Variants in RNF130 observed in about 807,000 individuals in gnomAD.
The protein encoded by RNF130 is E3 ubiquitin-protein ligase RNF130.
RNF130 carries 21 observed loss-of-function variants against 44.6 expected under a neutral mutation model. The observed-to-expected ratio is 0.47, with a 90% CI of 0.33 to 0.68. RNF130 has a LOEUF of 0.68. RNF130 is among the 30% of genes least tolerant of loss of function. RNF130 has a pLI of 0.02. For missense variants in RNF130, 479 were observed against 560.6 expected, an observed-to-expected ratio of 0.85 and a Z score of 1.47; for synonymous variants, 214 against 210.4, an observed-to-expected ratio of 1.02 and a Z score of -0.15.
rs1761847134 is a variant in RNF130 at position 179,933,820 on chromosome 5, C to T, written c.1151-13394G>A. On this transcript the variant is annotated intron_variant, in intron 7 of 7. Transcript: ENST00000522208. ...TATTACATCACTAGATAAAGAATCCCAGGATTTTCCCTCCTGTGTGTTTTT... is the reference window on the plus strand; with the variant it reads ...TATTACATCACTAGATAAAGAATCCTAGGATTTTCCCTCCTGTGTGTTTTT... 8.0e-6 allele frequency: 6 copies of T among 753,758 alleles called. No individual in the cohort carries two copies. The Middle Eastern group carries it at 1.7e-3, about 207-fold the overall frequency. The allele number at this position is 753,758 out of a possible 1,614,324, so 46.7% of individuals were successfully genotyped here.
intron 1 of RNF130, among the ~76,000 whole-genome samples, chr5:180,055,469 T>C (rs546124985): frequency 0.013 from 1,903 of 143,262 alleles, 36 homozygotes; most frequent in African/African-American, 0.046. Flanking sequence ...TGTGTGTGTG[T>C]GCGCGCGCGC....
At chr5:179,928,960 CTTAAT>C (rs908581139) in intron 7 of RNF130, among the ~76,000 whole-genome samples, 2 of 152,154 alleles carry the variant, frequency 1.3e-5, no homozygotes, top group African/African-American at 4.8e-5. Context: ...AGCAAAATTT[CTTAAT>C]TTTAGTGTGG....
At chr5:180,054,334 A>G (rs552404835) in intron 1 of RNF130, among the ~76,000 whole-genome samples, 1 of 152,318 alleles carries the variant, frequency 6.6e-6, no homozygotes, top group Non-Finnish European at 1.5e-5. Flanking sequence ...ACTTTGCATT[A>G]TATCACCAAA....
At position 179,938,940 on chromosome 5, in the gene RNF130, T is replaced by A. The variant is rs571487698; in HGVS notation, c.1151-18514A>T. On this transcript the variant is annotated intron_variant, in intron 7 of 7. Coordinates refer to the RNF130 transcript ENST00000522208. ...TAAAGAGTCAAGGATCAAAAGTGCA[T>A]ACACAGGCCGGGCACAGCAGCTCAC... Among the ~76,000 whole-genome samples the A allele has an allele frequency of 3.9e-5, 6 of 152,180 alleles. No individual in the cohort carries two copies. The South Asian group carries it at 1.2e-3, about 32-fold the overall frequency.
chr5:179,968,841 T>C (rs1225790942), intron 6 of RNF130, among the ~76,000 whole-genome samples: 1 of 152,166 alleles, frequency 6.6e-6, no homozygotes, highest in Non-Finnish European at 1.5e-5. Context: ...TACTAGCATT[T>C]AGATGCTGCT....
intron 1 of RNF130, among the ~76,000 whole-genome samples, chr5:180,055,248 C>CAAAAAAAAAAA (rs1205914690): frequency 1.3e-3 from 28 of 20,872 alleles, no homozygotes; most frequent in East Asian, 2.5e-3. Context: ...GGTTCTGTCT[C>CAAAAAAAAAAA]AAAAAAAAAA....
At chr5:179,979,369 G>A (rs897345537) in intron 4 of RNF130, among the ~76,000 whole-genome samples, 2 of 150,938 alleles carry the variant, frequency 1.3e-5, no homozygotes, top group African/African-American at 4.9e-5. Context: ...GGAATAAAAT[G>A]GGTAAAGTCC....
At chr5:180,051,623 T>C (rs1764690126) in intron 1 of RNF130, among the ~76,000 whole-genome samples, 1 of 152,174 alleles carries the variant, frequency 6.6e-6, no homozygotes, top group Non-Finnish European at 1.5e-5. Context: ...GGCAGGAATG[T>C]CCTAACAGTG....
chr5:179,946,350 C>T (rs1762036689), intron 7 of RNF130, among the ~76,000 whole-genome samples: 1 of 152,226 alleles, frequency 6.6e-6, no homozygotes, highest in Non-Finnish European at 1.5e-5. Flanking sequence ...CGTCAGGCCC[C>T]CCTCCTGACC....
At chr5:179,932,386 T>C (rs912015154) in intron 7 of RNF130, among the ~76,000 whole-genome samples, 1 of 151,888 alleles carries the variant, frequency 6.6e-6, no homozygotes, top group Admixed American at 6.6e-5. Context: ...GCCTCCTGAG[T>C]AGCTGGGACT....
At chr5:180,023,986 T>G (rs977986167) in intron 2 of RNF130, among the ~76,000 whole-genome samples, 5 of 152,220 alleles carry the variant, frequency 3.3e-5, no homozygotes, top group African/African-American at 4.8e-5. Context: ...AAACTTGGTA[T>G]GACAGGATGC....
At chr5:180,007,988 G>GTTTTTTT (rs371751598) in intron 3 of RNF130, among the ~76,000 whole-genome samples, 1 of 129,890 alleles carries the variant, frequency 7.7e-6, no homozygotes. Context: ...AAATCTTTTA[G>GTTTTTTT]TTTTTTTTTT....
chr5:179,949,208 G>C (rs1762088921), intron 7 of RNF130, among the ~76,000 whole-genome samples: 1 of 151,688 alleles, frequency 6.6e-6, no homozygotes, highest in African/African-American at 2.4e-5. Context: ...CAGGTGATCT[G>C]CCTGCCTTGG....
At chr5:180,031,655 T>C (rs1394389092) in intron 2 of RNF130, among the ~76,000 whole-genome samples, 1 of 152,244 alleles carries the variant, frequency 6.6e-6, no homozygotes, top group East Asian at 1.9e-4. Flanking sequence ...CACCAGTTGA[T>C]GAACAACTGC....
In RNF130 at chr5:179,963,655, C is replaced by T. The variant is rs751919953; in HGVS notation, c.1151-91G>A. The T allele has an allele frequency of 8.3e-5, 76 of 917,254 alleles. 1 individual carries two copies. The highest frequency in any genetic ancestry group is 6.9e-4 in the South Asian group (49 of 70,754). The allele number at this position is 917,254 out of a possible 1,614,324, so 56.8% of individuals were successfully genotyped here. A position where few individuals can be genotyped will look rare whatever the true frequency, so the allele number is the denominator to read the frequency against. ...TTTCCCTCAAATGCAACGAAGCAGA[C>T]GTCAACGGAGGTGTAAGCCAAGATT... On this transcript the variant is annotated intron_variant, in intron 7 of 8. Transcript: ENST00000521389.
chr5:179,970,629 C>A, intron 5 of RNF130, 123 bp from the exon 6 acceptor site: 1 of 699,730 alleles, frequency 1.4e-6, no homozygotes, highest in Non-Finnish European at 2.4e-6. Context: ...ATTTTAAGCC[C>A]CAAGAGACAA....
chr5:180,031,508 G>A (rs1370012164), intron 2 of RNF130, among the ~76,000 whole-genome samples: 3 of 152,114 alleles, frequency 2.0e-5, no homozygotes, highest in Admixed American at 1.3e-4. Flanking sequence ...GTTAAATTTG[G>A]GGGGAGGCAA....
intron 2 of RNF130, among the ~76,000 whole-genome samples, chr5:180,030,826 A>G (rs1255684427): frequency 1.3e-5 from 2 of 152,240 alleles, no homozygotes; most frequent in Non-Finnish European, 2.9e-5. Context: ...TTCGTTTAGC[A>G]TAATGCTTTT....
At chr5:180,036,745 T>C (rs780123605) in intron 2 of RNF130, among the ~76,000 whole-genome samples, 4 of 149,438 alleles carry the variant, frequency 2.7e-5, no homozygotes, top group Non-Finnish European at 6.0e-5. Context: ...TCCTACCTTA[T>C]AAATATTTCA....
Sources: gnomAD v4.1 joint callset for allele counts (sites outside exome capture counted in the v4.1 genomes callset) on GRCh38, gnomAD v4.1.1 for gene constraint, MANE v1.5 for transcripts, NCBI Gene and HGNC (gene_info 2026-07-23, HGNC 2026-07-21) for gene names.